BCAS4: variants seen among roughly 807,000 people sequenced by gnomAD.
The protein encoded by BCAS4 is breast carcinoma amplified sequence 4.
BCAS4 carries 9 observed loss-of-function variants against 15.7 expected under a neutral mutation model. The observed-to-expected ratio is 0.57, with a 90% CI of 0.34 to 1.00. BCAS4 has a LOEUF of 1.00. BCAS4 is among the 50% of genes least tolerant of loss of function. BCAS4 has a pLI of 0.02. For synonymous variants in BCAS4, 101 were observed against 99.5 expected (o/e 1.02, Z -0.09); for missense variants, 225 against 239.1 (o/e 0.94, Z 0.39).
At chr20:50,871,099 T>G (rs1331157773) in intron 4 of BCAS4, among the ~76,000 whole-genome samples, 1 of 152,154 alleles carries the variant, frequency 6.6e-6, no homozygotes, top group Non-Finnish European at 1.5e-5. Flanking sequence ...AGCTCTGAAG[T>G]CTTCTCTGAG....
At chr20:50,855,575 C>T (rs1978711318) in intron 4 of BCAS4, among the ~76,000 whole-genome samples, 1 of 150,642 alleles carries the variant, frequency 6.6e-6, no homozygotes, top group Non-Finnish European at 1.5e-5. Flanking sequence ...CCTCCTCAGA[C>T]TGGAAGGGGA....
intron 3 of BCAS4, among the ~76,000 whole-genome samples, chr20:50,830,791 T>C (rs6013022): frequency 0.088 from 13,427 of 152,130 alleles, 977 homozygotes; most frequent in African/African-American, 0.2. Flanking sequence ...TCATGGCTAC[T>C]GTGAGCATTG....
At chr20:50,866,396 G>A (rs6067579) in intron 4 of BCAS4, among the ~76,000 whole-genome samples, 26,577 of 152,188 alleles carry the variant, frequency 0.17, 2,366 homozygotes, top group Non-Finnish European at 0.19. Flanking sequence ...CAGGCCAGGC[G>A]GGGACAGTGA....
intron 1 of BCAS4, among the ~76,000 whole-genome samples, chr20:50,811,368 GA>G (rs1238001602): frequency 2.0e-5 from 3 of 150,982 alleles, no homozygotes; most frequent in East Asian, 3.9e-4. Context: ...CTGTCTCTAA[GA>G]AAAAAAAATT....
intron 4 of BCAS4, among the ~76,000 whole-genome samples, chr20:50,854,767 C>G (rs191311417): frequency 1.3e-5 from 2 of 152,346 alleles, no homozygotes; most frequent in East Asian, 1.9e-4. Context: ...AAACCCCCCC[C>G]ACCATGCGGC....
intron 4 of BCAS4, among the ~76,000 whole-genome samples, chr20:50,856,207 G>C (rs562940760): frequency 4.6e-5 from 7 of 152,252 alleles, no homozygotes; most frequent in Non-Finnish European, 1.0e-4. Flanking sequence ...GCCTGCAGCT[G>C]TGGATTGGGT....
intron 3 of BCAS4, among the ~76,000 whole-genome samples, chr20:50,834,664 T>A (rs757567729): frequency 6.6e-6 from 1 of 152,186 alleles, no homozygotes; most frequent in East Asian, 1.9e-4. Context: ...ATAAGCACTA[T>A]CTCATTCCTG....
rs942939273 is a variant in BCAS4, at chr20:50,808,155, G to A, written c.91-10056G>A. On this transcript the variant is annotated intron_variant, in intron 1 of 4. Coordinates refer to ENST00000371608, the MANE Select transcript of BCAS4 (RefSeq NM_198799.4). ...TCTCGATCTCCTGACCTCGTGATCC[G>A]CCCGCCTTGGCCTCCCAAAGTGCTG... Among the ~76,000 whole-genome samples, 4 of 151,976 alleles carry A rather than the reference G, an allele frequency of 2.6e-5. No homozygotes were observed. The South Asian group carries it at 6.2e-4, about 24-fold the overall frequency.
intron 2 of BCAS4, among the ~76,000 whole-genome samples, chr20:50,821,847 C>G (rs2088220222): frequency 6.6e-6 from 1 of 152,192 alleles, no homozygotes; most frequent in Admixed American, 6.5e-5. Context: ...TCTGGGACCT[C>G]TTTTAACATT....
chr20:50,811,260 G>C (rs1423522354), intron 1 of BCAS4, among the ~76,000 whole-genome samples: 2 of 152,158 alleles, frequency 1.3e-5, no homozygotes, highest in Non-Finnish European at 2.9e-5. Flanking sequence ...AGCTACTCAA[G>C]AGGCTGAGGC....
chr20:50,841,726 C>T (rs1319717712), intron 3 of BCAS4, 40 bp from the exon 4 acceptor site: 1 of 1,613,552 alleles, frequency 6.2e-7, no homozygotes, highest in African/African-American at 1.3e-5. Context: ...GGGCTCCAGC[C>T]TGCACAGATG....
intron 2 of BCAS4, among the ~76,000 whole-genome samples, chr20:50,819,928 G>A (rs980420435): frequency 6.6e-6 from 1 of 151,934 alleles, no homozygotes; most frequent in Non-Finnish European, 1.5e-5. Flanking sequence ...TCGGCTCACT[G>A]CAACCTCTGC....
At chr20:50,812,155 T>C (rs62202841) in intron 1 of BCAS4, among the ~76,000 whole-genome samples, 62,188 of 151,578 alleles carry the variant, frequency 0.41, 15,465 homozygotes, top group African/African-American at 0.71. Flanking sequence ...TTTTTTGAGA[T>C]GGAATCTCAC....
At chr20:50,833,975 G>A (rs1398926399) in intron 3 of BCAS4, among the ~76,000 whole-genome samples, 1 of 152,178 alleles carries the variant, frequency 6.6e-6, no homozygotes, top group Non-Finnish European at 1.5e-5. Context: ...GAATCCTGGG[G>A]AGGGAGCAGC....
At position 50,829,772 on chromosome 20, in the gene BCAS4, A is replaced by G. The variant is rs578029245; in HGVS notation, c.163-507A>G. On this transcript the variant is annotated intron_variant, in intron 2 of 4. Transcript: ENST00000371608. Reference sequence around the variant, plus strand: ...GGCCCTTGCCAAGCAGAAGAAAATGAAAACTAAAGGAGATGGTGCAAGGAA... The same window carrying G: ...GGCCCTTGCCAAGCAGAAGAAAATGGAAACTAAAGGAGATGGTGCAAGGAA... 3.3e-5 allele frequency among the ~76,000 whole-genome samples: 5 copies of G among 152,108 alleles called. No individual in the cohort carries two copies. In the East Asian group the frequency reaches 9.7e-4, roughly 29 times the overall value.
intron 2 of BCAS4, among the ~76,000 whole-genome samples, chr20:50,821,676 C>A (rs556774227): frequency 6.6e-6 from 1 of 152,250 alleles, no homozygotes; most frequent in East Asian, 1.9e-4. Flanking sequence ...TTTACAGGTC[C>A]GAGAGAAGGC....
At chr20:50,826,045 G>A (rs1202172205) in intron 2 of BCAS4, among the ~76,000 whole-genome samples, 3 of 152,120 alleles carry the variant, frequency 2.0e-5, no homozygotes, top group African/African-American at 7.2e-5. Flanking sequence ...ATACCCCCAA[G>A]CTCATTCTCA....
rs6091229 is a variant in BCAS4 at position 50,876,634 on chromosome 20, G to T, written c.*26G>T. 1.2e-6 allele frequency: 2 copies of T among 1,611,352 alleles called. No individual in the cohort carries two copies. The highest frequency in any genetic ancestry group is 1.1e-5 in the South Asian group (1 of 90,752). ...GCTTTGTGGTCTTCCCATCAGGAAC[G>T]CTGGAAAGTGACATTGTGTACACAC... On this transcript the variant is annotated 3_prime_UTR_variant, in exon 5 of 5. Coordinates refer to ENST00000371608, the MANE Select transcript of BCAS4 (RefSeq NM_198799.4).
chr20:50,797,511 G>T (rs190531467), intron 1 of BCAS4, among the ~76,000 whole-genome samples: 1 of 152,102 alleles, frequency 6.6e-6, no homozygotes, highest in South Asian at 2.1e-4. Context: ...TCTGGGCAAC[G>T]CAGGGAAACC....
Sources: allele counts gnomAD v4.1 joint callset (sites outside exome capture counted in the v4.1 genomes callset), GRCh38; gene constraint gnomAD v4.1.1; transcripts MANE v1.5; gene names NCBI Gene and HGNC (gene_info 2026-07-23, HGNC 2026-07-21).